JRK: variants seen among roughly 807,000 people sequenced by gnomAD.
JRK encodes jerky protein homolog.
For missense variants in JRK, 720 were observed against 509.2 expected (o/e 1.41, Z -3.98); for synonymous variants, 303 against 218.1 (o/e 1.39, Z -3.43).
Position 142,665,704 on chromosome 8 carries a change from A to G in JRK, c.355T>C (p.Phe119Leu). The G allele has an allele frequency of 1.3e-6, 1 of 752,198 alleles. No homozygotes were observed. The highest frequency in any genetic ancestry group is 2.5e-6 in the Non-Finnish European group (1 of 403,898). 46.6% of individuals were successfully genotyped at this position (752,198 alleles called of 1,614,324 possible). A position where few individuals can be genotyped will look rare whatever the true frequency, so the allele number is the denominator to read the frequency against. Residue 119 changes from phenylalanine (F) to leucine (L), a missense_variant, in exon 2 of 2, where the codon TTC becomes CTC. Physicochemically the swap from Phe to Leu is conservative, Grantham distance 22. Coordinates refer to ENST00000612905, the MANE Select transcript of JRK (RefSeq NM_003724.4). ...TCAGTGAGCTGCATCTGCTCGTAGA[A>G]GTCCTTGGCCTTCTCGATGAGCATG... is the stretch of plus-strand genomic sequence containing the variant. ...GPMLIEKAKD[F>L]YEQMQLTEPC...
At chr8:142,653,926 C>G (rs1476541064), downstream of JRK, among the ~76,000 whole-genome samples, 1 of 152,186 alleles carries the variant, frequency 6.6e-6, no homozygotes, top group African/African-American at 2.4e-5. Context: ...TCCCATTTAG[C>G]TGGCTCTATG....
In JRK at chr8:142,664,768, G is replaced by C; in HGVS notation, c.1291C>G (p.Gln431Glu). The C allele has an allele frequency of 1.3e-6, 2 of 1,589,200 alleles. No homozygotes were observed. The highest frequency in any genetic ancestry group is 1.7e-6 in the Non-Finnish European group (2 of 1,168,540). The change falls in exon 2 of 2, where the codon CAG (glutamine) becomes GAG (glutamate). Residue 431 changes from glutamine (Q) to glutamate (E), a missense_variant. By Grantham distance (29) the Gln-to-Glu change is conservative. Coordinates refer to ENST00000612905, the MANE Select transcript of JRK (RefSeq NM_003724.4). Reference sequence around the variant, plus strand: ...CTGGCGGCCTGGCGCTGGCGAAGCTGGCCCGGGCAGGAGGAGCCTTCCTTC... The same window carrying C: ...CTGGCGGCCTGGCGCTGGCGAAGCTCGCCCGGGCAGGAGGAGCCTTCCTTC... ...LVKEGSSCPG[Q>E]LRQRQAASWG...
chr8:142,645,504 C>T, the JRK span, among the ~76,000 whole-genome samples: 2 of 151,930 alleles, frequency 1.3e-5, no homozygotes, highest in African/African-American at 4.8e-5. Context: ...ACAGTGAAAC[C>T]CCGTCTCTAC....
In JRK at chr8:142,663,924, C is replaced by G. The variant is rs1587523015; in HGVS notation, c.*428G>C. Reference sequence around the variant, plus strand: ...AGAGCCTTCTGAGACGAAGCCTGTCCAGGGGCGGTGGGCATGGCCTCCTGT... The same window carrying G: ...AGAGCCTTCTGAGACGAAGCCTGTCGAGGGGCGGTGGGCATGGCCTCCTGT... On this transcript the variant is annotated 3_prime_UTR_variant, in exon 2 of 2. Transcript: ENST00000612905. 1 of 999,290 alleles carries G rather than the reference C, an allele frequency of 1.0e-6. No homozygotes were observed. Among genetic ancestry groups the G allele is most frequent in the South Asian group, 4.7e-5 (1 of 21,482 alleles). 61.9% of individuals were successfully genotyped at this position (999,290 alleles called of 1,614,324 possible).
At position 142,663,009 on chromosome 8, in the gene JRK, A is replaced by AAGTT; in HGVS notation, c.*1342_*1343insAACT. 1.8e-6 allele frequency: 1 copy of AAGTT among 548,274 alleles called. No homozygotes were observed. Among genetic ancestry groups the AAGTT allele is most frequent in the Non-Finnish European group, 2.3e-6 (1 of 430,866 alleles). The allele number at this position is 548,274 out of a possible 1,614,324, so 34.0% of individuals were successfully genotyped here. Reference sequence around the variant, plus strand: ...ACCCTGTCTCTACAAAAAAAATAAAAAGGCGCGGTGGTGCGTGCCTCTAGT... The same window carrying AAGTT: ...ACCCTGTCTCTACAAAAAAAATAAAAAGTTAGGCGCGGTGGTGCGTGCCTCTAGT... On this transcript the variant is annotated 3_prime_UTR_variant, in exon 2 of 2. Coordinates refer to ENST00000612905, the MANE Select transcript of JRK (RefSeq NM_003724.4).
At chr8:142,653,299 C>T (rs1226899217), downstream of JRK, among the ~76,000 whole-genome samples, 1 of 152,206 alleles carries the variant, frequency 6.6e-6, no homozygotes, top group African/African-American at 2.4e-5. Context: ...TTACTCTTGT[C>T]CCAGAGGTTA....
At chr8:142,669,162 T>TTGTGTGTG (rs1847229346) in intron 1 of JRK, among the ~76,000 whole-genome samples, 4 of 110,174 alleles carry the variant, frequency 3.6e-5, no homozygotes, top group Admixed American at 1.9e-4. Flanking sequence ...CGCAGGGGCA[T>TTGTGTGTG]AGTGTGTGTG....
chr8:142,648,031 C>T, the JRK span, among the ~76,000 whole-genome samples: 4 of 152,168 alleles, frequency 2.6e-5, no homozygotes, highest in African/African-American at 9.7e-5. Context: ...GGCATTCTGC[C>T]CCTGCCCTGG....
At chr8:142,648,688 G>A in the JRK span, among the ~76,000 whole-genome samples, 1 of 152,266 alleles carries the variant, frequency 6.6e-6, no homozygotes, top group African/African-American at 2.4e-5. Flanking sequence ...CTAGGGCAGT[G>A]TGGAAGGGAA....
chr8:142,669,597 G>A (rs371735456), intron 1 of JRK, among the ~76,000 whole-genome samples: 117 of 152,278 alleles, frequency 7.7e-4, no homozygotes, highest in African/African-American at 2.4e-3. Context: ...GCCTCTCTGA[G>A]AGTGGAAGCG....
chr8:142,666,809 C>G (rs1362252831), intron 1 of JRK, among the ~76,000 whole-genome samples: 2 of 152,220 alleles, frequency 1.3e-5, no homozygotes, highest in African/African-American at 2.4e-5. Flanking sequence ...AGCAGCCCGG[C>G]CTTTCCTGGG....
chr8:142,649,416 A>G, the JRK span, among the ~76,000 whole-genome samples: 24 of 152,230 alleles, frequency 1.6e-4, no homozygotes, highest in African/African-American at 5.8e-4. Context: ...TCCTGAGAGT[A>G]AGTAAGTCTC....
In JRK at chr8:142,661,151, G is replaced by C; in HGVS notation, c.*3201C>G. 1 of 985,512 alleles carries C rather than the reference G, an allele frequency of 1.0e-6. No individual in the cohort carries two copies. The highest frequency in any genetic ancestry group is 1.2e-6 in the Non-Finnish European group (1 of 829,972). The allele number at this position is 985,512 out of a possible 1,614,324, so 61.0% of individuals were successfully genotyped here. A position where few individuals can be genotyped will look rare whatever the true frequency, so the allele number is the denominator to read the frequency against. On this transcript the variant is annotated 3_prime_UTR_variant, in exon 2 of 2. Coordinates refer to ENST00000612905, the MANE Select transcript of JRK (RefSeq NM_003724.4). The stretch of plus-strand genomic sequence containing the variant: ...TCACGCACAGACAGGCCCAGGGCAA[G>C]GTCTGCTCTAGACCCTCCTATGCAG...
Position 142,659,093 on chromosome 8 carries a change from G to T in JRK, c.*5259C>A. 7.2e-7 allele frequency: 1 copy of T among 1,388,234 alleles called. No individual in the cohort carries two copies. The highest frequency in any genetic ancestry group is 2.7e-5 in the East Asian group (1 of 37,084). 86.0% of individuals were successfully genotyped at this position (1,388,234 alleles called of 1,614,324 possible). ...CTCTTCAGAACTGACAGCCCATCAA[G>T]GTACAATGAAATAGAAAAAAGGCTG... On this transcript the variant is annotated 3_prime_UTR_variant, in exon 2 of 2. Coordinates refer to ENST00000612905, the MANE Select transcript of JRK (RefSeq NM_003724.4).
At chr8:142,647,374 TG>T in the JRK span, among the ~76,000 whole-genome samples, 3 of 152,208 alleles carry the variant, frequency 2.0e-5, no homozygotes, top group African/African-American at 7.2e-5. Flanking sequence ...TTGATAGGTT[TG>T]GCTATGTCCT....
chr8:142,660,347 T>C lies in JRK; in HGVS notation c.*4005A>G. ...CCATGACTGTCCACATCCTGACCCC[T>C]ACCTACCTCATGACCTCCCCGACCC... On this transcript the variant is annotated 3_prime_UTR_variant, in exon 2 of 2. Transcript: ENST00000612905. 1.0e-6 allele frequency: 1 copy of C among 985,508 alleles called. No homozygotes were observed. Among genetic ancestry groups the C allele is most frequent in the Non-Finnish European group, 1.2e-6 (1 of 830,008 alleles). 61.0% of individuals were successfully genotyped at this position (985,508 alleles called of 1,614,324 possible).
rs186249023 is a variant in JRK at position 142,667,895 on chromosome 8, A to T, written c.-462-1375T>A. On this transcript the variant is annotated intron_variant, in intron 1 of 1. Transcript: ENST00000612905. Reference sequence around the variant, plus strand: ...CACCCCACAACCCTCCCTACACCCGAGCCGACTGGCAGGGCACAGAGGGCG... The same window carrying T: ...CACCCCACAACCCTCCCTACACCCGTGCCGACTGGCAGGGCACAGAGGGCG... Among the ~76,000 whole-genome samples, 5 of 152,312 alleles carry T rather than the reference A, an allele frequency of 3.3e-5. No homozygotes were observed. The East Asian group carries it at 9.7e-4, about 29-fold the overall frequency.
chr8:142,669,483 T>G (rs587628510), intron 1 of JRK, among the ~76,000 whole-genome samples: 1 of 152,028 alleles, frequency 6.6e-6, no homozygotes, highest in East Asian at 1.9e-4. Flanking sequence ...GGTCCCCGTT[T>G]GTGGGTAGAA....
Position 142,663,366 on chromosome 8 carries a change from AAAGTATT to A in JRK, c.*979_*985del, listed in dbSNP as rs1846978597. ...GACCAGGACAGACAACTCCTCCCCA[AAAGTATT>A]ACTAACGTGCTAACAGCTGGGGATA... is the stretch of plus-strand genomic sequence containing the variant. On this transcript the variant is annotated 3_prime_UTR_variant, in exon 2 of 2. Coordinates refer to ENST00000612905, the MANE Select transcript of JRK (RefSeq NM_003724.4). The A allele has an allele frequency of 1.0e-6, 1 of 985,308 alleles. No homozygotes were observed. Among genetic ancestry groups the A allele is most frequent in the African/African-American group, 1.7e-5 (1 of 57,236 alleles). The allele number at this position is 985,308 out of a possible 1,614,324, so 61.0% of individuals were successfully genotyped here.
Sources: allele counts gnomAD v4.1 joint callset (sites outside exome capture counted in the v4.1 genomes callset), GRCh38; gene constraint gnomAD v4.1.1; transcripts MANE v1.5; gene names NCBI Gene and HGNC (gene_info 2026-07-23, HGNC 2026-07-21).